The following SLC39A1 variants were observed in gnomAD, a reference collection of about 807,000 sequenced individuals.
SLC39A1 encodes solute carrier family 39 member 1.
Under a neutral mutation model 21.4 loss-of-function variants are expected in SLC39A1, and 17 were observed. That is an observed-to-expected ratio of 0.79 (90% CI 0.54 to 1.19). SLC39A1 has a LOEUF of 1.19. Among genes scored for constraint, SLC39A1 ranks in the 50% most tolerant of loss-of-function variants. The probability of loss-of-function intolerance (pLI) is 0.00; values close to 1 mark genes in which losing one functional copy is unlikely to be tolerated. For missense variants in SLC39A1, 343 were observed against 399.8 expected (o/e 0.86, Z 1.21); for synonymous variants, 183 against 185.9 (o/e 0.98, Z 0.13).
intron 3 of SLC39A1, 123 bp downstream of exon 3, chr1:153,962,097 T>A: frequency 7.1e-7 from 1 of 1,408,088 alleles, no homozygotes; most frequent in East Asian, 2.4e-5. Flanking sequence ...TCACAATTCA[T>A]ACCACATGCC....
chr1:153,962,222 T>C lies in SLC39A1; in HGVS notation c.316A>G (p.Thr106Ala), dbSNP rs1647498148. ...IDEALAALHVTLQFPLQEFIL... is the reference protein window; with the variant it reads ...IDEALAALHVALQFPLQEFIL... ...CACATGCCCAGGCCAGTGCTCACCGTCACGTGCAAGGCTGCCAGGGCCTCA... is the reference window on the plus strand; with the variant it reads ...CACATGCCCAGGCCAGTGCTCACCGCCACGTGCAAGGCTGCCAGGGCCTCA... The change falls in exon 3 of 4, where the codon ACG becomes GCG. Residue 106 changes from threonine to alanine, a missense_variant and splice_region_variant. Transcript: ENST00000356205. The C allele has an allele frequency of 6.2e-7, 1 of 1,613,744 alleles. No individual in the cohort carries two copies. The highest frequency in any genetic ancestry group is 1.3e-5 in the African/African-American group (1 of 74,880).
rs1680840259 is a variant in SLC39A1, at chr1:153,959,475, G to A, written c.*623C>T. The A allele has an allele frequency of 2.5e-6, 1 of 394,752 alleles. No individual in the cohort carries two copies. The highest frequency in any genetic ancestry group is 1.4e-4 in the South Asian group (1 of 6,978). The allele number at this position is 394,752 out of a possible 1,614,324, so 24.5% of individuals were successfully genotyped here. A position where few individuals can be genotyped will look rare whatever the true frequency, so the allele number is the denominator to read the frequency against. On this transcript the variant is annotated 3_prime_UTR_variant, in exon 4 of 4. Transcript: ENST00000356205. ...TCACTGAGGTGCTGGGTAGGGCTCAGTGCCACATTACTGTGCTTTGAGAAA... is the reference window on the plus strand; with the variant it reads ...TCACTGAGGTGCTGGGTAGGGCTCAATGCCACATTACTGTGCTTTGAGAAA...
In SLC39A1 at chr1:153,962,530, T is replaced by C; in HGVS notation, c.186A>G (p.Ser62=). The C allele has an allele frequency of 6.2e-7, 1 of 1,611,282 alleles. No individual in the cohort carries two copies. Among genetic ancestry groups the C allele is most frequent in the African/African-American group, 1.3e-5 (1 of 75,010 alleles). Residue 62 remains serine, a splice_region_variant and synonymous_variant, in exon 2 of 4, where the codon TCA becomes TCG. Coordinates refer to ENST00000356205, the MANE Select transcript of SLC39A1 (RefSeq NM_001271958.2). The part of the protein sequence containing the change: ...LRRPGANHEG[S]ASRQKALSLV... ...GTGTGGGGAAAAGGAGAGGCTTACC[T>C]GAGCCTTCATGGTTAGCTCCTGGCC...
Position 153,960,246 on chromosome 1 carries a change from T to C in SLC39A1, c.827A>G (p.Glu276Gly), listed in dbSNP as rs1414107964. 2.5e-6 allele frequency: 4 copies of C among 1,614,040 alleles called. No individual in the cohort carries two copies. Among genetic ancestry groups the C allele is most frequent in the Non-Finnish European group, 3.4e-6 (4 of 1,180,052 alleles). Residue 276 changes from glutamate to glycine, a missense_variant, in exon 4 of 4, where the codon GAG becomes GGG. By Grantham distance (98) the Glu-to-Gly change is moderately conservative (BLOSUM62 -2). Transcript: ENST00000356205. ...GAGAAAGGTGCCAGCTGCCATGCCC[T>C]CTAGCACAGACTGGGCCAGCTGGTG... ...PLHQLAQSVL[E>G]GMAAGTFLYI...
rs372950856 is a variant in SLC39A1 at position 153,961,093 on chromosome 1, T to G, written c.319-339A>C. Reference sequence around the variant, plus strand: ...GAGTTTGAGACCAGCCTGGCCAACATGGTGAAACCCTGTCTCTACTAAAAA... The same window carrying G: ...GAGTTTGAGACCAGCCTGGCCAACAGGGTGAAACCCTGTCTCTACTAAAAA... On this transcript the variant is annotated intron_variant, in intron 3 of 3. Coordinates refer to ENST00000356205, the MANE Select transcript of SLC39A1 (RefSeq NM_001271958.2). Among the ~76,000 whole-genome samples the G allele has an allele frequency of 4.5e-4, 68 of 152,242 alleles. 1 individual carries two copies. The highest frequency in any genetic ancestry group is 1.6e-3 in the African/African-American group (67 of 41,566).
chr1:153,959,300 C>G lies in SLC39A1; in HGVS notation c.*798G>C, dbSNP rs1680827041. On this transcript the variant is annotated 3_prime_UTR_variant, in exon 4 of 4. Transcript: ENST00000356205. The stretch of plus-strand genomic sequence containing the variant: ...GTTTTGGCAGCTCAGTGTTTATCAT[C>G]TGGGCATGGGACACCATGTCCATGT... 2.3e-5 allele frequency: 9 copies of G among 398,942 alleles called. No individual in the cohort carries two copies. The South Asian group carries it at 8.9e-4, about 39-fold the overall frequency. The allele number at this position is 398,942 out of a possible 1,614,324, so 24.7% of individuals were successfully genotyped here. A position where few individuals can be genotyped will look rare whatever the true frequency, so the allele number is the denominator to read the frequency against.
At position 153,963,107 on chromosome 1, in the gene SLC39A1, C is replaced by T. The variant is rs899541384; in HGVS notation, c.-32-360G>A. 4.5e-5 allele frequency: 8 copies of T among 175,892 alleles called. No individual in the cohort carries two copies. The South Asian group carries it at 1.4e-3, about 31-fold the overall frequency. 10.9% of individuals were successfully genotyped at this position (175,892 alleles called of 1,614,324 possible). On this transcript the variant is annotated intron_variant, in intron 1 of 3. Transcript: ENST00000356205. ...AATGTAGAGGCCGGGTCCCCAACTC[C>T]CGAACGGAGTGGGTGAAGCCAAAAA...
At position 153,962,448 on chromosome 1, in the gene SLC39A1, T is replaced by TC. The variant is rs1647520822; in HGVS notation, c.187+80dup. On this transcript the variant is annotated intron_variant, in intron 2 of 3. Transcript: ENST00000356205. ...AATGGCTACCCTTGCCTTTCCCTCC[T>TC]CCTTTGGTCACTCCCCGCCAGCCCC... The TC allele has an allele frequency of 4.4e-6, 7 of 1,574,424 alleles. No homozygotes were observed. In the East Asian group the frequency reaches 1.6e-4, roughly 35 times the overall value.
chr1:153,960,097 C>A lies in SLC39A1; in HGVS notation c.*1G>T. On this transcript the variant is annotated 3_prime_UTR_variant, in exon 4 of 4. Transcript: ENST00000356205. ...CTCCCCTGCCCCTCTCTTGAAGCCCCCTAGATTTGGATGAAGAGCAGGCCA... is the reference window on the plus strand; with the variant it reads ...CTCCCCTGCCCCTCTCTTGAAGCCCACTAGATTTGGATGAAGAGCAGGCCA... 6.3e-7 allele frequency: 1 copy of A among 1,598,666 alleles called. No homozygotes were observed. The highest frequency in any genetic ancestry group is 8.5e-7 in the Non-Finnish European group (1 of 1,170,994).
chr1:153,965,139 G>C (rs1571099430), upstream of SLC39A1: 1 of 150,074 alleles, frequency 6.7e-6, no homozygotes, highest in African/African-American at 2.5e-5. Flanking sequence ...TGAAATATAT[G>C]TACATTGGGC....
chr1:153,964,196 G>A (rs530557689), upstream of SLC39A1, among the ~76,000 whole-genome samples: 13 of 152,378 alleles, frequency 8.5e-5, no homozygotes, highest in South Asian at 1.9e-3. Context: ...CCGCGCCCAG[G>A]GAAGAGCCCC....
upstream of SLC39A1, chr1:153,967,080 T>C (rs1186938424): frequency 1.6e-4 from 25 of 152,248 alleles, no homozygotes; most frequent in Admixed American, 1.6e-3. Flanking sequence ...ATTATACAAG[T>C]GTGGGACATA....
rs778618968 is a variant in SLC39A1 at position 153,960,212 on chromosome 1, G to A, written c.861C>T (p.Thr287=). Residue 287 remains threonine (T), a synonymous_variant, in exon 4 of 4, where the codon ACC becomes ACT. Coordinates refer to ENST00000356205, the MANE Select transcript of SLC39A1 (RefSeq NM_001271958.2). ...GCTCCTGGGGCAGGATTTCCAGAAA[G>A]GTGATATAGAGAAAGGTGCCAGCTG... ...GMAAGTFLYI[T]FLEILPQELA... 5 of 1,614,232 alleles carry A rather than the reference G, an allele frequency of 3.1e-6. No homozygotes were observed. The Admixed American group carries it at 6.7e-5, about 22-fold the overall frequency.
chr1:153,962,738 A>T lies in SLC39A1; in HGVS notation c.-23T>A. ...CATGATGCTTCTGGTAGCTCCAGTG[A>T]CTCTCAGACCTAGGAAGACAGACCA... On this transcript the variant is annotated 5_prime_UTR_variant, in exon 2 of 4. Coordinates refer to ENST00000356205, the MANE Select transcript of SLC39A1 (RefSeq NM_001271958.2). 1 of 1,538,964 alleles carries T rather than the reference A, an allele frequency of 6.5e-7. No homozygotes were observed. Among genetic ancestry groups the T allele is most frequent in the Non-Finnish European group, 8.7e-7 (1 of 1,143,712 alleles).
At chr1:153,962,045 G>C (rs1378607503) in intron 3 of SLC39A1, among the ~76,000 whole-genome samples, 175 bp downstream of exon 3, 1 of 152,158 alleles carries the variant, frequency 6.6e-6, no homozygotes, top group East Asian at 1.9e-4. Context: ...ATGGGGAAGG[G>C]GGAGGGAACA....
Position 153,962,702 on chromosome 1 carries a change from C to A in SLC39A1, c.14G>T (p.Gly5Val), listed in dbSNP as rs752613624. 16 of 1,591,248 alleles carry A rather than the reference C, an allele frequency of 1.0e-5. No individual in the cohort carries two copies. In the African/African-American group the frequency reaches 1.9e-4, roughly 19 times the overall value. Residue 5 changes from glycine (G) to valine (V), a missense_variant, in exon 2 of 4, where the codon GGA becomes GTA. By Grantham distance (109) the Gly-to-Val change is moderately radical (BLOSUM62 -3). Transcript: ENST00000356205. The part of the protein sequence containing the change: MGPW[G>V]EPELLVWRPE... ...GCGCCACACCAGGAGCTCTGGCTCT[C>A]CCCAGGGCCCCATGATGCTTCTGGT...
chr1:153,962,465 G>A lies in SLC39A1; in HGVS notation c.187+64C>T, dbSNP rs374344642. On this transcript the variant is annotated intron_variant, in intron 2 of 3. Coordinates refer to ENST00000356205, the MANE Select transcript of SLC39A1 (RefSeq NM_001271958.2). ...TTCCCTCCTCCTTTGGTCACTCCCC[G>A]CCAGCCCCAGAGCCCTCCCTAAGCC... The A allele has an allele frequency of 1.0e-5, 16 of 1,578,868 alleles. No homozygotes were observed. In the East Asian group the frequency reaches 2.7e-4, roughly 27 times the overall value.
chr1:153,961,017 T>A (rs1203565173), intron 3 of SLC39A1, among the ~76,000 whole-genome samples: 3 of 152,226 alleles, frequency 2.0e-5, no homozygotes, highest in Admixed American at 1.3e-4. Flanking sequence ...GGCTCATGCC[T>A]ATAATCCCAG....
chr1:153,961,023 C>T, intron 3 of SLC39A1, among the ~76,000 whole-genome samples: 1 of 152,182 alleles, frequency 6.6e-6, no homozygotes, highest in Non-Finnish European at 1.5e-5. Context: ...TGCCTATAAT[C>T]CCAGCACTTT....
Sources: allele counts gnomAD v4.1 joint callset (sites outside exome capture counted in the v4.1 genomes callset), GRCh38; gene constraint gnomAD v4.1.1; transcripts MANE v1.5; gene names NCBI Gene and HGNC (gene_info 2026-07-23, HGNC 2026-07-21).